Variants in HCN1 observed in about 807,000 individuals in gnomAD.
HCN1 encodes hyperpolarization activated cyclic nucleotide gated potassium channel 1.
A neutral mutation model predicts 78.9 loss-of-function variants in HCN1; 13 were observed. The ratio of observed to expected loss-of-function variants is 0.16; its 90% confidence interval spans 0.11 to 0.26. The LOEUF (loss-of-function observed/expected upper bound fraction) is 0.26. HCN1 is among the 10% of genes least tolerant of loss of function. The pLI is 1.00. For missense variants in HCN1, 810 were observed against 1,154.3 expected, an observed-to-expected ratio of 0.70 and a Z score of 4.32; for synonymous variants, 552 against 455.5, an observed-to-expected ratio of 1.21 and a Z score of -2.70.
chr5:45,316,290 T>C (rs144773858), intron 5 of HCN1, among the ~76,000 whole-genome samples: 1 of 152,296 alleles, frequency 6.6e-6, no homozygotes, highest in African/African-American at 2.4e-5. Flanking sequence ...ATCCAGAATA[T>C]AAACAGAACC....
intron 2 of HCN1, among the ~76,000 whole-genome samples, chr5:45,501,497 T>A (rs1742185258): frequency 6.6e-6 from 1 of 152,004 alleles, no homozygotes; most frequent in Non-Finnish European, 1.5e-5. Flanking sequence ...TGTAGTGGCG[T>A]GACCTCGGCT....
chr5:45,407,311 T>C (rs1739944684), intron 3 of HCN1, among the ~76,000 whole-genome samples: 1 of 152,056 alleles, frequency 6.6e-6, no homozygotes, highest in African/African-American at 2.4e-5. Flanking sequence ...TAAACAAACC[T>C]ACTCCACTAC....
At chr5:45,402,841 T>TACC in intron 3 of HCN1, among the ~76,000 whole-genome samples, 3 of 147,250 alleles carry the variant, frequency 2.0e-5, no homozygotes, top group African/African-American at 7.6e-5. Flanking sequence ...CCTTCCTTCC[T>TACC]TCCTTCCTTC....
At chr5:45,555,925 T>G (rs1037830357) in intron 2 of HCN1, among the ~76,000 whole-genome samples, 2 of 151,968 alleles carry the variant, frequency 1.3e-5, no homozygotes, top group African/African-American at 4.8e-5. Flanking sequence ...TGAACTCATT[T>G]TCAACAAAAG....
chr5:45,537,402 G>GT lies in HCN1; in HGVS notation c.850-75396dup, dbSNP rs5867702. Among the ~76,000 whole-genome samples the GT allele has an allele frequency of 3.7e-4, 55 of 148,286 alleles. No homozygotes were observed. The East Asian group carries it at 4.2e-3, about 11-fold the overall frequency. On this transcript the variant is annotated intron_variant, in intron 2 of 7. Coordinates refer to ENST00000303230, the MANE Select transcript of HCN1 (RefSeq NM_021072.4). ...CACAGCTGATTATGCATTTTTTTTT[G>GT]TTTTTTTTTAACAATACCTCTGTTT...
At chr5:45,563,856 A>C (rs191206628) in intron 2 of HCN1, among the ~76,000 whole-genome samples, 1 of 152,232 alleles carries the variant, frequency 6.6e-6, no homozygotes, top group Admixed American at 6.5e-5. Context: ...GAGTCCCAAA[A>C]ATATATAAGT....
chr5:45,454,035 T>C (rs1280883102), intron 3 of HCN1, among the ~76,000 whole-genome samples: 1 of 152,134 alleles, frequency 6.6e-6, no homozygotes, highest in Non-Finnish European at 1.5e-5. Flanking sequence ...TGTTTGGAAC[T>C]TAACGGCTTG....
chr5:45,484,265 A>T (rs747749504), intron 2 of HCN1, among the ~76,000 whole-genome samples: 7 of 151,922 alleles, frequency 4.6e-5, no homozygotes, highest in Non-Finnish European at 1.5e-5. Context: ...ACCTGCTTCT[A>T]CTAAAAAAAA....
chr5:45,507,635 A>G (rs1742334736), intron 2 of HCN1, among the ~76,000 whole-genome samples: 1 of 152,194 alleles, frequency 6.6e-6, no homozygotes, highest in Non-Finnish European at 1.5e-5. Context: ...CTGCAAATTG[A>G]GAATAAAGGA....
intron 6 of HCN1, among the ~76,000 whole-genome samples, chr5:45,298,039 T>C (rs1160777235): frequency 6.6e-6 from 1 of 152,044 alleles, no homozygotes; most frequent in Non-Finnish European, 1.5e-5. Context: ...GGATGCTTTC[T>C]CCCAAAATCA....
intron 6 of HCN1, among the ~76,000 whole-genome samples, chr5:45,291,428 C>T (rs1481428365): frequency 1.3e-5 from 2 of 152,060 alleles, no homozygotes. Context: ...AAGCTGGCAT[C>T]CTTTTGCTCT....
chr5:45,347,078 AC>A (rs1746736144), intron 5 of HCN1, among the ~76,000 whole-genome samples: 2 of 152,096 alleles, frequency 1.3e-5, no homozygotes, highest in Admixed American at 6.5e-5. Flanking sequence ...TGGGTCCCTG[AC>A]CCCTGATCCC....
chr5:45,657,510 G>A (rs1264065484), intron 1 of HCN1, among the ~76,000 whole-genome samples: 2 of 152,008 alleles, frequency 1.3e-5, no homozygotes, highest in African/African-American at 4.8e-5. Flanking sequence ...GTAACTTAGA[G>A]GAAATTTTTA....
intron 2 of HCN1, among the ~76,000 whole-genome samples, chr5:45,574,226 C>A (rs1743892231): frequency 6.6e-6 from 1 of 152,122 alleles, no homozygotes; most frequent in Admixed American, 6.6e-5. Context: ...TTTTGCAACT[C>A]TGCATCAACC....
chr5:45,532,081 T>C (rs765500905), intron 2 of HCN1, among the ~76,000 whole-genome samples: 1 of 152,172 alleles, frequency 6.6e-6, no homozygotes, highest in Non-Finnish European at 1.5e-5. Flanking sequence ...ATTTCTGAGA[T>C]GCTTTTCCTC....
intron 1 of HCN1, among the ~76,000 whole-genome samples, chr5:45,666,568 T>C (rs891096072): frequency 1.3e-5 from 2 of 152,094 alleles, no homozygotes; most frequent in African/African-American, 4.8e-5. Flanking sequence ...CCCTGAATCA[T>C]GTCTTTTCCT....
intron 3 of HCN1, among the ~76,000 whole-genome samples, chr5:45,424,722 C>G (rs1740310907): frequency 6.6e-6 from 1 of 151,986 alleles, no homozygotes; most frequent in Non-Finnish European, 1.5e-5. Context: ...GAAAATGTAT[C>G]TAGAATACAG....
chr5:45,601,436 G>T (rs762081916), intron 2 of HCN1, among the ~76,000 whole-genome samples: 1 of 152,144 alleles, frequency 6.6e-6, no homozygotes, highest in Non-Finnish European at 1.5e-5. Flanking sequence ...GACCTTTGGG[G>T]CCTGTGTTTC....
chr5:45,601,487 C>G (rs1031366983), intron 2 of HCN1, among the ~76,000 whole-genome samples: 6 of 152,100 alleles, frequency 3.9e-5, no homozygotes, highest in African/African-American at 1.4e-4. Flanking sequence ...CAGCTAAAAT[C>G]TAGGAAATCA....
Sources: gnomAD v4.1 joint callset for allele counts (sites outside exome capture counted in the v4.1 genomes callset) on GRCh38, gnomAD v4.1.1 for gene constraint, MANE v1.5 for transcripts, NCBI Gene and HGNC (gene_info 2026-07-23, HGNC 2026-07-21) for gene names.